SUGCT: variants seen among roughly 807,000 people sequenced by gnomAD.
SUGCT encodes succinyl-CoA:glutarate CoA-transferase.
SUGCT carries 41 observed loss-of-function variants against 55.0 expected under a neutral mutation model. The ratio of observed to expected loss-of-function variants is 0.74; its 90% confidence interval spans 0.58 to 0.97. The LOEUF is 0.97. SUGCT is among the 50% of genes least tolerant of loss of function. The pLI, the probability that SUGCT is intolerant of heterozygous loss-of-function variation, is 0.00. For missense variants in SUGCT, 568 were observed against 547.8 expected, an observed-to-expected ratio of 1.04 and a Z score of -0.37; for synonymous variants, 187 against 200.4, an observed-to-expected ratio of 0.93 and a Z score of 0.56.
chr7:40,526,469 G>A (rs1424964709), intron 12 of SUGCT, among the ~76,000 whole-genome samples: 2 of 151,754 alleles, frequency 1.3e-5, no homozygotes, highest in Non-Finnish European at 2.9e-5. Context: ...TAATCTTTAG[G>A]GTTTATTAAA....
At chr7:40,833,028 C>T (rs1367478231) in intron 13 of SUGCT, among the ~76,000 whole-genome samples, 2 of 151,966 alleles carry the variant, frequency 1.3e-5, no homozygotes, top group Non-Finnish European at 2.9e-5. Context: ...CCATAGACCT[C>T]TGCTCGGGCC....
the SUGCT span, among the ~76,000 whole-genome samples, chr7:40,968,790 C>T: frequency 6.6e-6 from 1 of 152,138 alleles, no homozygotes; most frequent in Non-Finnish European, 1.5e-5. Context: ...AGTAACAAGG[C>T]CCATCTGTGG....
intron 13 of SUGCT, among the ~76,000 whole-genome samples, chr7:40,803,238 TA>T (rs1198948775): frequency 6.6e-6 from 1 of 152,210 alleles, no homozygotes; most frequent in Non-Finnish European, 1.5e-5. Context: ...CTAGTAATAG[TA>T]ATAATGAAAA....
At chr7:40,727,977 A>T (rs1189879074) in intron 12 of SUGCT, among the ~76,000 whole-genome samples, 1 of 152,174 alleles carries the variant, frequency 6.6e-6, no homozygotes, top group Non-Finnish European at 1.5e-5. Context: ...CTAGTTTTAG[A>T]CAGGTTCTTA....
chr7:40,278,807 G>A (rs1054605241), intron 8 of SUGCT, among the ~76,000 whole-genome samples: 41 of 143,668 alleles, frequency 2.9e-4, no homozygotes, highest in African/African-American at 1.0e-3. Flanking sequence ...GGTTTTAGCA[G>A]TTTTGGTTTC....
chr7:40,625,441 G>A (rs1167033836), intron 12 of SUGCT, among the ~76,000 whole-genome samples: 1 of 151,942 alleles, frequency 6.6e-6, no homozygotes, highest in African/African-American at 2.4e-5. Flanking sequence ...GCATTATTAC[G>A]CCTTACCAAG....
intron 11 of SUGCT, among the ~76,000 whole-genome samples, chr7:40,474,099 A>G (rs1431098160): frequency 6.6e-6 from 1 of 152,150 alleles, no homozygotes; most frequent in Non-Finnish European, 1.5e-5. Flanking sequence ...TGTTTAATTA[A>G]TGTCAGGGAT....
chr7:40,867,774 A>G, the SUGCT span, among the ~76,000 whole-genome samples: 1 of 152,204 alleles, frequency 6.6e-6, no homozygotes, highest in Admixed American at 6.5e-5. Context: ...AATCGGCACA[A>G]TTAGAAGTGT....
At chr7:40,274,694 A>C in intron 8 of SUGCT, 38 bp downstream of exon 8, 1 of 1,601,734 alleles carries the variant, frequency 6.2e-7, no homozygotes, top group Non-Finnish European at 8.6e-7. Flanking sequence ...ATGTTATAAA[A>C]ACTGTGTCTG....
intron 12 of SUGCT, among the ~76,000 whole-genome samples, chr7:40,596,027 G>A (rs898810506): frequency 1.3e-4 from 20 of 152,268 alleles, no homozygotes; most frequent in Admixed American, 3.9e-4. Flanking sequence ...CATGTAGTGC[G>A]AAATCCTCAT....
chr7:40,568,287 A>G (rs772734005), intron 12 of SUGCT, among the ~76,000 whole-genome samples: 6 of 152,138 alleles, frequency 3.9e-5, no homozygotes, highest in African/African-American at 9.7e-5. Context: ...AGCATAACCT[A>G]TAACCCTGAT....
At chr7:40,550,228 G>A (rs536204722) in intron 12 of SUGCT, among the ~76,000 whole-genome samples, 1 of 152,320 alleles carries the variant, frequency 6.6e-6, no homozygotes, top group East Asian at 1.9e-4. Context: ...GGTCTTGTCT[G>A]TGACTCTGGT....
chr7:40,679,207 G>A (rs1256055087), intron 12 of SUGCT, among the ~76,000 whole-genome samples: 1 of 152,178 alleles, frequency 6.6e-6, no homozygotes, highest in Non-Finnish European at 1.5e-5. Context: ...TGAGAAAGGA[G>A]CATTTCTAAT....
intron 9 of SUGCT, among the ~76,000 whole-genome samples, chr7:40,337,273 G>T (rs1288435671): frequency 6.6e-6 from 1 of 152,148 alleles, no homozygotes; most frequent in Non-Finnish European, 1.5e-5. Flanking sequence ...TCTGCTTGGT[G>T]CAGAGCTGAG....
intron 11 of SUGCT, among the ~76,000 whole-genome samples, chr7:40,465,137 A>C (rs1482772346): frequency 6.6e-6 from 1 of 152,210 alleles, no homozygotes; most frequent in Non-Finnish European, 1.5e-5. Context: ...CCTTTAGTAA[A>C]ATAAATAGTT....
intron 8 of SUGCT, among the ~76,000 whole-genome samples, chr7:40,303,058 G>T (rs1794632005): frequency 6.6e-6 from 1 of 151,770 alleles, no homozygotes; most frequent in Non-Finnish European, 1.5e-5. Flanking sequence ...TTTTGAGATG[G>T]AGTCTTGCCC....
At chr7:40,752,530 A>G (rs1192628634) in intron 13 of SUGCT, among the ~76,000 whole-genome samples, 2 of 152,040 alleles carry the variant, frequency 1.3e-5, no homozygotes, top group Non-Finnish European at 2.9e-5. Context: ...TAATTTCTGT[A>G]TATTTAGTAG....
chr7:40,836,583 G>T (rs1792990860), intron 13 of SUGCT, among the ~76,000 whole-genome samples: 1 of 152,130 alleles, frequency 6.6e-6, no homozygotes, highest in African/African-American at 2.4e-5. Flanking sequence ...CCCTCATTCT[G>T]CCCTTTTAGA....
chr7:41,024,311 C>G, the SUGCT span, among the ~76,000 whole-genome samples: 1 of 152,138 alleles, frequency 6.6e-6, no homozygotes, highest in African/African-American at 2.4e-5. Flanking sequence ...CCGAGACACA[C>G]AAACCACAGA....
Sources: gnomAD v4.1 joint callset for allele counts (sites outside exome capture counted in the v4.1 genomes callset) on GRCh38, gnomAD v4.1.1 for gene constraint, MANE v1.5 for transcripts, NCBI Gene and HGNC (gene_info 2026-07-23, HGNC 2026-07-21) for gene names.